MALT1: variants seen among roughly 807,000 people sequenced by gnomAD.
The protein encoded by MALT1 is MALT1 paracaspase, also known as mucosa-associated lymphoid tissue lymphoma translocation protein 1.
A neutral mutation model predicts 85.5 loss-of-function variants in MALT1; 36 were observed. The ratio of observed to expected loss-of-function variants is 0.42; its 90% CI spans 0.32 to 0.56. The LOEUF (loss-of-function observed/expected upper bound fraction) is 0.56. Ranked by LOEUF, MALT1 falls within the 20% of genes least tolerant of loss-of-function variation. The pLI, the probability that MALT1 is intolerant of heterozygous loss-of-function variation, is 0.10. For synonymous variants in MALT1, 359 were observed against 361.3 expected (o/e 0.99, Z 0.07); for missense variants, 716 against 981.6 (o/e 0.73, Z 3.62).
At chr18:58,672,892 C>G (rs2054186473) in intron 1 of MALT1, 1 of 152,140 alleles carries the variant, frequency 6.6e-6, no homozygotes, top group Non-Finnish European at 1.5e-5. Flanking sequence ...TAAATAAAGT[C>G]TTAATATTGT....
intron 1 of MALT1, among the ~76,000 whole-genome samples, chr18:58,674,415 G>A (rs1196952494): frequency 6.6e-6 from 1 of 152,142 alleles, no homozygotes; most frequent in African/African-American, 2.4e-5. Flanking sequence ...ATTTGGGGTG[G>A]GAAGTCTGAT....
intron 4 of MALT1, among the ~76,000 whole-genome samples, chr18:58,703,802 T>A (rs1428718603): frequency 6.6e-6 from 1 of 152,192 alleles, no homozygotes; most frequent in African/African-American, 2.4e-5. Flanking sequence ...AACTTTTTTA[T>A]CCCATTTTTT....
chr18:58,705,848 G>A (rs1487978874), intron 4 of MALT1, among the ~76,000 whole-genome samples: 1 of 152,090 alleles, frequency 6.6e-6, no homozygotes, highest in Non-Finnish European at 1.5e-5. Context: ...CCAGTAATGG[G>A]ATGGCTGGGT....
At chr18:58,692,913 C>T (rs1478433842) in intron 2 of MALT1, among the ~76,000 whole-genome samples, 1 of 152,162 alleles carries the variant, frequency 6.6e-6, no homozygotes, top group Non-Finnish European at 1.5e-5. Flanking sequence ...ATAGATCAAA[C>T]CAGCCACAGC....
At position 58,734,141 on chromosome 18, in the gene MALT1, GT is replaced by G; in HGVS notation, c.1401-164del. ...TTTAAAGCTAACAAGGAGTTAGTGGGTTATTTTGGGTAGATATGTAGCTACC... is the reference window on the plus strand; with the variant it reads ...TTTAAAGCTAACAAGGAGTTAGTGGGTATTTTGGGTAGATATGTAGCTACC... On this transcript the variant is annotated intron_variant, in intron 11 of 16. Transcript: ENST00000649217. 2.4e-6 allele frequency: 3 copies of G among 1,248,826 alleles called. No homozygotes were observed. In the South Asian group the frequency reaches 5.8e-5, roughly 24 times the overall value. The allele number at this position is 1,248,826 out of a possible 1,614,324, so 77.4% of individuals were successfully genotyped here. A position where few individuals can be genotyped will look rare whatever the true frequency, so the allele number is the denominator to read the frequency against.
chr18:58,685,884 A>G (rs761482865), intron 2 of MALT1, among the ~76,000 whole-genome samples: 4 of 152,122 alleles, frequency 2.6e-5, no homozygotes, highest in Non-Finnish European at 5.9e-5. Context: ...GGATGTGTTG[A>G]AAGGGTTTTG....
Position 58,749,412 on chromosome 18 carries a change from C to T in MALT1, c.*1570C>T, listed in dbSNP as rs922701022. ...GAGCTGAAATTCAAACCCCATCCAG[C>T]TGGCCCCGGAGCCAGAGCTTCTTGT... On this transcript the variant is annotated 3_prime_UTR_variant, in exon 17 of 17. Transcript: ENST00000649217. The T allele has an allele frequency of 4.6e-6, 1 of 215,604 alleles. No individual in the cohort carries two copies. Among genetic ancestry groups the T allele is most frequent in the Non-Finnish European group, 9.3e-6 (1 of 107,006 alleles). The allele number at this position is 215,604 out of a possible 1,614,324, so 13.4% of individuals were successfully genotyped here.
rs754701003 is a variant in MALT1 at position 58,671,678 on chromosome 18, C to A, written c.35C>A (p.Pro12Gln). Residue 12 changes from proline to glutamine, a missense_variant, in exon 1 of 17, where the codon CCG becomes CAG. By Grantham distance (76) the Pro-to-Gln change is moderately conservative (BLOSUM62 -1). Coordinates refer to ENST00000649217, the MANE Select transcript of MALT1 (RefSeq NM_006785.4). ...TTGGGGGACCCGCTACAGGCCCTGC[C>A]GCCCTCGGCCGCCCCCACGGGGCCG... The part of the protein sequence containing the change: ...SLLGDPLQAL[P>Q]PSAAPTGPLL... The A allele has an allele frequency of 1.6e-6, 2 of 1,243,388 alleles. No individual in the cohort carries two copies. Among genetic ancestry groups the A allele is most frequent in the South Asian group, 6.6e-5 (2 of 30,364 alleles). The allele number at this position is 1,243,388 out of a possible 1,614,324, so 77.0% of individuals were successfully genotyped here.
chr18:58,692,907 A>G (rs1445156935), intron 2 of MALT1, among the ~76,000 whole-genome samples: 1 of 152,220 alleles, frequency 6.6e-6, no homozygotes. Context: ...GTCTGGATAG[A>G]TCAAACCAGC....
At chr18:58,713,501 GGT>G (rs142028122) in intron 7 of MALT1, among the ~76,000 whole-genome samples, 7,145 of 152,182 alleles carry the variant, frequency 0.047, 201 homozygotes, top group East Asian at 0.071. Flanking sequence ...CACCTGAGCA[GGT>G]GTCAGAACCA....
At chr18:58,708,100 G>A (rs1169641494) in intron 4 of MALT1, among the ~76,000 whole-genome samples, 1 of 152,168 alleles carries the variant, frequency 6.6e-6, no homozygotes, top group Non-Finnish European at 1.5e-5. Flanking sequence ...GAAAGCAAAG[G>A]CACTGCATTC....
Position 58,752,863 on chromosome 18 carries a change from CTCT to C in MALT1, c.*5023_*5025del, listed in dbSNP as rs1311558871. ...ATGAAAATGTGTAAATGTGCATATT[CTCT>C]TTTTTTCTAATTTGGTAGCATTAAA... On this transcript the variant is annotated 3_prime_UTR_variant, in exon 17 of 17. Coordinates refer to ENST00000649217, the MANE Select transcript of MALT1 (RefSeq NM_006785.4). The C allele has an allele frequency of 6.6e-6, 1 of 152,176 alleles. No homozygotes were observed. The highest frequency in any genetic ancestry group is 1.5e-5 in the Non-Finnish European group (1 of 68,030). The allele number at this position is 152,176 out of a possible 1,614,324, so 9.4% of individuals were successfully genotyped here.
Position 58,745,795 on chromosome 18 carries a change from A to G in MALT1, c.2037+4A>G, listed in dbSNP as rs1209862196. Reference sequence around the variant, plus strand: ...CAGTTCACTGCAAAAATTAAAGGTTACTACCTTTTCTGTTTATAGCTACTA... The same window carrying G: ...CAGTTCACTGCAAAAATTAAAGGTTGCTACCTTTTCTGTTTATAGCTACTA... On this transcript the variant is annotated splice_donor_region_variant and intron_variant, in intron 16 of 16. Coordinates refer to ENST00000649217, the MANE Select transcript of MALT1 (RefSeq NM_006785.4). 1 of 1,609,192 alleles carries G rather than the reference A, an allele frequency of 6.2e-7. No individual in the cohort carries two copies. Among genetic ancestry groups the G allele is most frequent in the African/African-American group, 1.3e-5 (1 of 74,740 alleles).
Position 58,700,592 on chromosome 18 carries a change from G to A in MALT1, c.649+1G>A. ...TGCGACATCCCAGAGAGCTTCCAGA[G>A]TAAGTAACGAAAGAAGCTGAATGTT... On this transcript the variant is annotated splice_donor_variant, in intron 4 of 16. Coordinates refer to ENST00000649217, the MANE Select transcript of MALT1 (RefSeq NM_006785.4). LOFTEE classifies it high-confidence loss of function. 2 of 1,586,288 alleles carry A rather than the reference G, an allele frequency of 1.3e-6. No homozygotes were observed. Among genetic ancestry groups the A allele is most frequent in the Non-Finnish European group, 1.7e-6 (2 of 1,171,988 alleles).
chr18:58,695,630 T>C (rs1288056382), intron 2 of MALT1, among the ~76,000 whole-genome samples: 1 of 152,218 alleles, frequency 6.6e-6, no homozygotes, highest in Non-Finnish European at 1.5e-5. Flanking sequence ...GACTGGGTAA[T>C]TTTTAAAGAA....
At chr18:58,707,491 AG>A (rs996345443) in intron 4 of MALT1, among the ~76,000 whole-genome samples, 4 of 151,984 alleles carry the variant, frequency 2.6e-5, no homozygotes, top group Admixed American at 2.6e-4. Context: ...TTTGTTACAT[AG>A]GTATACACAT....
intron 2 of MALT1, chr18:58,690,520 G>A (rs895466004): frequency 5.8e-6 from 1 of 172,344 alleles, no homozygotes; most frequent in Non-Finnish European, 1.3e-5. Flanking sequence ...CTGGACCGGA[G>A]CCCATCCCCT....
At chr18:58,735,844 AG>A (rs1295053029) in intron 13 of MALT1, among the ~76,000 whole-genome samples, 1 of 152,124 alleles carries the variant, frequency 6.6e-6, no homozygotes, top group Non-Finnish European at 1.5e-5. Context: ...ATGTGATCCT[AG>A]GGGGTCTAAT....
At chr18:58,696,594 T>C (rs972827404) in intron 3 of MALT1, 107 bp downstream of exon 3, 3 of 874,114 alleles carry the variant, frequency 3.4e-6, no homozygotes, top group Middle Eastern at 7.0e-4. Flanking sequence ...TAAAAGAGTC[T>C]GATAGACATT....
Sources: allele counts gnomAD v4.1 joint callset (sites outside exome capture counted in the v4.1 genomes callset), GRCh38; gene constraint gnomAD v4.1.1; transcripts MANE v1.5; gene names NCBI Gene and HGNC (gene_info 2026-07-23, HGNC 2026-07-21).